Variants in CDC40 observed in about 807,000 individuals in gnomAD.
CDC40 encodes pre-mRNA-processing factor 17.
A neutral mutation model predicts 80.6 loss-of-function variants in CDC40; 27 were observed. The ratio of observed to expected loss-of-function variants is 0.33; its 90% CI spans 0.25 to 0.46. CDC40 has a LOEUF of 0.46. Among genes scored for constraint, CDC40 ranks in the 20% least tolerant of loss-of-function variants. CDC40 has a pLI of 1.00. For synonymous variants in CDC40, 221 were observed against 232.6 expected, an observed-to-expected ratio of 0.95 and a Z score of 0.45; for missense variants, 486 against 694.1, an observed-to-expected ratio of 0.70 and a Z score of 3.37.
In CDC40 at chr6:110,207,906, G is replaced by T. The variant is rs191487392; in HGVS notation, c.490+317G>T. 9.4e-4 allele frequency among the ~76,000 whole-genome samples: 143 copies of T among 152,246 alleles called. 3 individuals carry two copies. Among genetic ancestry groups the T allele is most frequent in the Admixed American group, 9.4e-3 (143 of 15,290 alleles). On this transcript the variant is annotated intron_variant, in intron 4 of 14. Transcript: ENST00000307731. ...TTACAACTAATGTATAGATAATTTT[G>T]GCAATTGATTTCTCAACATTAATGT...
chr6:110,215,355 A>G (rs1260891832), intron 9 of CDC40, 24 bp downstream of exon 9: 19 of 1,595,302 alleles, frequency 1.2e-5, no homozygotes, highest in Non-Finnish European at 1.4e-5. Context: ...TCTCTCCAAC[A>G]TAAATCTGGG....
At chr6:110,180,881 G>A (rs1245771801) in intron 1 of CDC40, among the ~76,000 whole-genome samples, 4 of 152,228 alleles carry the variant, frequency 2.6e-5, no homozygotes, top group African/African-American at 9.6e-5. Flanking sequence ...GATGAAATTT[G>A]AATTTGTGGA....
chr6:110,180,652 A>G lies in CDC40; in HGVS notation c.189+19A>G, dbSNP rs1280251865. 1 of 1,585,578 alleles carries G rather than the reference A, an allele frequency of 6.3e-7. No homozygotes were observed. ...AGTTAAGGTAAGCACTTTTGCTACT[A>G]ATGCAGTGTGGGAATTGTTGGCTTC... On this transcript the variant is annotated intron_variant, in intron 1 of 14. Transcript: ENST00000307731.
intron 1 of CDC40, among the ~76,000 whole-genome samples, chr6:110,182,309 C>T (rs972068028): frequency 6.6e-6 from 1 of 152,190 alleles, no homozygotes; most frequent in Non-Finnish European, 1.5e-5. Context: ...CCAGTTCTAT[C>T]CTCCTTGCTA....
rs902481535 is a variant in CDC40 at position 110,231,799 on chromosome 6, G to A, written c.*1668G>A. 1 of 147,300 alleles carries A rather than the reference G, an allele frequency of 6.8e-6. No individual in the cohort carries two copies. The highest frequency in any genetic ancestry group is 1.5e-5 in the Non-Finnish European group (1 of 67,230). The allele number at this position is 147,300 out of a possible 1,614,324, so 9.1% of individuals were successfully genotyped here. On this transcript the variant is annotated 3_prime_UTR_variant, in exon 15 of 15. Transcript: ENST00000307731. Reference sequence around the variant, plus strand: ...TTTAGAAATTTAGATTTTAAAAGGCGTGGGACATACGACCAGGCCCTATAG... The same window carrying A: ...TTTAGAAATTTAGATTTTAAAAGGCATGGGACATACGACCAGGCCCTATAG...
At chr6:110,191,123 A>G (rs927500293) in intron 1 of CDC40, among the ~76,000 whole-genome samples, 2 of 152,218 alleles carry the variant, frequency 1.3e-5, no homozygotes, top group Non-Finnish European at 2.9e-5. Flanking sequence ...GTTTTGATAC[A>G]GGGGCCATGG....
intron 1 of CDC40, among the ~76,000 whole-genome samples, chr6:110,184,364 G>C (rs1302127628): frequency 2.0e-5 from 3 of 148,870 alleles, no homozygotes; most frequent in Admixed American, 6.7e-5. Flanking sequence ...CCGTTCATTT[G>C]TTTAGGCCTT....
intron 1 of CDC40, among the ~76,000 whole-genome samples, chr6:110,183,293 C>T (rs570697145): frequency 8.5e-5 from 13 of 152,224 alleles, no homozygotes; most frequent in Middle Eastern, 3.4e-3. Flanking sequence ...GTCTCCAGTG[C>T]CTAGTACACA....
chr6:110,206,364 A>G (rs899482909), intron 3 of CDC40, among the ~76,000 whole-genome samples: 25 of 152,196 alleles, frequency 1.6e-4, no homozygotes, highest in Admixed American at 1.2e-3. Flanking sequence ...TATGTATTCT[A>G]TTATCGTACA....
At chr6:110,214,945 C>A (rs1777680200) in intron 8 of CDC40, among the ~76,000 whole-genome samples, 3 of 152,158 alleles carry the variant, frequency 2.0e-5, no homozygotes, top group Admixed American at 2.0e-4. Flanking sequence ...AGAAACTTTT[C>A]ATCCTAGAAA....
At chr6:110,192,507 T>C (rs2114651063) in intron 1 of CDC40, among the ~76,000 whole-genome samples, 1 of 152,266 alleles carries the variant, frequency 6.6e-6, no homozygotes, top group African/African-American at 2.4e-5. Flanking sequence ...CTGTTAGATA[T>C]CCTGGGAGAA....
chr6:110,191,166 C>T (rs1181676157), intron 1 of CDC40, among the ~76,000 whole-genome samples: 1 of 152,134 alleles, frequency 6.6e-6, no homozygotes, highest in Non-Finnish European at 1.5e-5. Flanking sequence ...AATTTTGGAA[C>T]AGTGAATGTG....
chr6:110,214,957 T>C (rs887463048), intron 8 of CDC40, among the ~76,000 whole-genome samples: 20 of 152,246 alleles, frequency 1.3e-4, no homozygotes, highest in African/African-American at 4.8e-4. Context: ...TCCTAGAAAA[T>C]GTATGAAATA....
intron 2 of CDC40, among the ~76,000 whole-genome samples, chr6:110,201,072 A>G (rs1417369913): frequency 6.6e-6 from 1 of 152,154 alleles, no homozygotes; most frequent in African/African-American, 2.4e-5. Context: ...TATGCCAGGC[A>G]CTGTGGTAAA....
At chr6:110,187,374 A>G (rs887694606) in intron 1 of CDC40, among the ~76,000 whole-genome samples, 5 of 152,242 alleles carry the variant, frequency 3.3e-5, no homozygotes, top group African/African-American at 1.2e-4. Context: ...TTGCCTTAGC[A>G]TAGCCAACTA....
chr6:110,214,578 A>G (rs368684528), intron 8 of CDC40, among the ~76,000 whole-genome samples: 7 of 152,224 alleles, frequency 4.6e-5, no homozygotes, highest in African/African-American at 1.7e-4. Flanking sequence ...TGCAGTCATG[A>G]GCAAGAAACC....
At chr6:110,189,624 A>G (rs1777319013) in intron 1 of CDC40, among the ~76,000 whole-genome samples, 1 of 152,130 alleles carries the variant, frequency 6.6e-6, no homozygotes, top group Admixed American at 6.5e-5. Flanking sequence ...TGTGTCCTGA[A>G]TTTTATTCCC....
At chr6:110,185,867 G>A (rs80266222) in intron 1 of CDC40, among the ~76,000 whole-genome samples, 2 of 152,092 alleles carry the variant, frequency 1.3e-5, no homozygotes, top group Non-Finnish European at 2.9e-5. Flanking sequence ...AAGTTAGTAT[G>A]CTAGGCATCC....
At position 110,210,772 on chromosome 6, in the gene CDC40, G is replaced by GA; in HGVS notation, c.699dup (p.Pro234ThrfsTer11). ...AGAAAAAAGGAAAACAGGAAGAAGA[G>GA]AAACCTGGGGAGGAGAAGACAATCT... On this transcript the variant is annotated frameshift_variant, in exon 6 of 15. Transcript: ENST00000307731. LOFTEE classifies it high-confidence loss of function. The GA allele has an allele frequency of 6.4e-7, 1 of 1,568,924 alleles. No homozygotes were observed. The highest frequency in any genetic ancestry group is 8.6e-7 in the Non-Finnish European group (1 of 1,159,110).
Sources: allele counts gnomAD v4.1 joint callset (sites outside exome capture counted in the v4.1 genomes callset), GRCh38; gene constraint gnomAD v4.1.1; transcripts MANE v1.5; gene names NCBI Gene and HGNC (gene_info 2026-07-23, HGNC 2026-07-21).